CDH8: variants seen among roughly 807,000 people sequenced by gnomAD.
CDH8 encodes cadherin-8.
A neutral mutation model predicts 68.1 loss-of-function variants in CDH8; 17 were observed. That is an observed-to-expected ratio of 0.25 (90% confidence interval 0.17 to 0.37). The LOEUF is 0.37. CDH8 is among the 10% of genes least tolerant of loss of function. CDH8 has a pLI of 1.00. For missense variants in CDH8, 763 were observed against 999.3 expected (o/e 0.76, Z 3.19); for synonymous variants, 372 against 365.1 (o/e 1.02, Z -0.21).
At chr16:61,912,448 G>A (rs1167989672) in intron 2 of CDH8, among the ~76,000 whole-genome samples, 2 of 152,066 alleles carry the variant, frequency 1.3e-5, no homozygotes, top group African/African-American at 4.8e-5. Context: ...ACATTTTCGA[G>A]TTTCTGTCAT....
intron 1 of CDH8, among the ~76,000 whole-genome samples, chr16:62,030,799 CA>C (rs1902306456): frequency 6.6e-6 from 1 of 152,004 alleles, no homozygotes; most frequent in African/African-American, 2.4e-5. Context: ...TATCAATAAA[CA>C]CATCCACAAA....
intron 2 of CDH8, among the ~76,000 whole-genome samples, chr16:61,930,270 A>AACACACACACACAC (rs369686237): frequency 9.0e-5 from 13 of 144,260 alleles, no homozygotes; most frequent in African/African-American, 3.3e-4. Context: ...AAAGTTAGAA[A>AACACACACACACAC]ACACACACAC....
chr16:61,716,766 C>T (rs1398916856), intron 9 of CDH8, among the ~76,000 whole-genome samples: 2 of 151,700 alleles, frequency 1.3e-5, no homozygotes, highest in African/African-American at 2.4e-5. Context: ...CCACATTTGA[C>T]ACTTCAAAAC....
intron 2 of CDH8, among the ~76,000 whole-genome samples, chr16:61,913,800 C>T (rs1431582202): frequency 1.3e-5 from 2 of 152,072 alleles, no homozygotes; most frequent in South Asian, 2.1e-4. Flanking sequence ...ATAACTCCTA[C>T]ATTAATAATA....
rs1376350287 is a variant in CDH8, at chr16:61,647,734, C to G, written c.*5874G>C. 1 of 691,808 alleles carries G rather than the reference C, an allele frequency of 1.4e-6. No homozygotes were observed. The highest frequency in any genetic ancestry group is 1.8e-5 in the African/African-American group (1 of 56,548). 42.9% of individuals were successfully genotyped at this position (691,808 alleles called of 1,614,324 possible). ...GATGGCCTGAAGTTCTTTGCATGTA[C>G]AGAAGAAATCCCAAGAAATTAACAT... On this transcript the variant is annotated 3_prime_UTR_variant, in exon 12 of 12. Coordinates refer to ENST00000577390, the MANE Select transcript of CDH8 (RefSeq NM_001796.5).
intron 2 of CDH8, among the ~76,000 whole-genome samples, chr16:62,016,051 C>A (rs939083777): frequency 6.6e-6 from 1 of 152,142 alleles, no homozygotes; most frequent in Admixed American, 6.5e-5. Flanking sequence ...TTTCCTCTAT[C>A]AAAAATGCTC....
intron 2 of CDH8, among the ~76,000 whole-genome samples, chr16:61,988,292 A>G (rs1965660319): frequency 1.3e-5 from 2 of 152,196 alleles, no homozygotes; most frequent in African/African-American, 4.8e-5. Flanking sequence ...TTTTAACTGA[A>G]TATTCTACAA....
At chr16:61,982,310 C>T (rs1032222328) in intron 2 of CDH8, among the ~76,000 whole-genome samples, 1 of 152,082 alleles carries the variant, frequency 6.6e-6, no homozygotes, top group African/African-American at 2.4e-5. Context: ...AGCTCCGCCT[C>T]CCGGGTTCAC....
chr16:62,011,158 G>C lies in CDH8; in HGVS notation c.252+9994C>G, dbSNP rs199837657. On this transcript the variant is annotated intron_variant, in intron 2 of 11. Transcript: ENST00000577390. The stretch of plus-strand genomic sequence containing the variant: ...AATATTCCTCAGCCCTTCTGATCAG[G>C]CTCATTTGTATTTTGCTACTGCCTT... Among the ~76,000 whole-genome samples the C allele has an allele frequency of 3.3e-5, 5 of 152,092 alleles. No homozygotes were observed. In the East Asian group the frequency reaches 9.6e-4, roughly 29 times the overall value.
intron 1 of CDH8, among the ~76,000 whole-genome samples, chr16:62,025,379 GAGA>G (rs58740328): frequency 0.49 from 74,686 of 151,452 alleles, 19,442 homozygotes; most frequent in African/African-American, 0.67. Context: ...TCTTTGTGAA[GAGA>G]AGAGCATGTT....
At chr16:61,896,041 C>T (rs8052674) in intron 3 of CDH8, among the ~76,000 whole-genome samples, 31,650 of 151,144 alleles carry the variant, frequency 0.21, 3,679 homozygotes, top group African/African-American at 0.32. Context: ...GTTTAGCGAA[C>T]AATCAGGATT....
Position 61,932,781 on chromosome 16 carries a change from G to C in CDH8, c.253-31308C>G, listed in dbSNP as rs189855218. 2.0e-5 allele frequency among the ~76,000 whole-genome samples: 3 copies of C among 152,232 alleles called. No individual in the cohort carries two copies. The East Asian group carries it at 5.8e-4, about 29-fold the overall frequency. On this transcript the variant is annotated intron_variant, in intron 2 of 11. Transcript: ENST00000577390. ...TTAAAATAAAAAATAACCAGTTGCA[G>C]GGAAAAAAGATCTCAACCTTTAGCC...
intron 7 of CDH8, among the ~76,000 whole-genome samples, chr16:61,792,657 C>T (rs1297115837): frequency 2.0e-5 from 3 of 151,924 alleles, no homozygotes; most frequent in Non-Finnish European, 2.9e-5. Flanking sequence ...AACAGCGGAA[C>T]CAGAATGAAT....
At chr16:61,845,522 A>T (rs1006114110) in intron 4 of CDH8, among the ~76,000 whole-genome samples, 1 of 151,394 alleles carries the variant, frequency 6.6e-6, no homozygotes, top group Non-Finnish European at 1.5e-5. Flanking sequence ...AAAAAAAAAA[A>T]CTATCTAATT....
chr16:61,702,288 C>A (rs888407316), intron 10 of CDH8, among the ~76,000 whole-genome samples: 1 of 151,900 alleles, frequency 6.6e-6, no homozygotes, highest in Non-Finnish European at 1.5e-5. Context: ...AGGAGAATGG[C>A]GTGAGCCCGG....
chr16:61,664,079 T>C (rs764227641), intron 10 of CDH8, among the ~76,000 whole-genome samples: 2 of 151,940 alleles, frequency 1.3e-5, no homozygotes, highest in African/African-American at 2.4e-5. Context: ...GAGTCAAACA[T>C]CTTCCCTCCT....
At chr16:61,856,995 T>C in intron 4 of CDH8, 124 bp downstream of exon 4, 1 of 1,145,688 alleles carries the variant, frequency 8.7e-7, no homozygotes, top group Non-Finnish European at 1.3e-6. Context: ...ATGTCGCATA[T>C]TCAAATATTA....
chr16:61,933,312 T>G lies in CDH8; in HGVS notation c.253-31839A>C, dbSNP rs74968238. 2.1e-3 allele frequency among the ~76,000 whole-genome samples: 313 copies of G among 152,284 alleles called. 12 individuals carry two copies. In the East Asian group the frequency reaches 0.053, roughly 26 times the overall value. ...AGAGTGACAAGAGGAGAGGCTGTATTTGCAGGCAGTAGGCTGTTTGTGGGC... is the reference window on the plus strand; with the variant it reads ...AGAGTGACAAGAGGAGAGGCTGTATGTGCAGGCAGTAGGCTGTTTGTGGGC... On this transcript the variant is annotated intron_variant, in intron 2 of 11. Transcript: ENST00000577390.
rs1202818017 is a variant in CDH8, at chr16:61,807,268, A to C, written c.1277+10211T>G. Among the ~76,000 whole-genome samples, 5 of 146,456 alleles carry C rather than the reference A, an allele frequency of 3.4e-5. No individual in the cohort carries two copies. The East Asian group carries it at 6.2e-4, about 18-fold the overall frequency. On this transcript the variant is annotated intron_variant, in intron 7 of 11. Coordinates refer to ENST00000577390, the MANE Select transcript of CDH8 (RefSeq NM_001796.5). ...ATTCTCACTCATAGGTGGGAATTGA[A>C]CAATGAGATCACATGGACACAGGAA...
Sources: allele counts gnomAD v4.1 joint callset (sites outside exome capture counted in the v4.1 genomes callset), GRCh38; gene constraint gnomAD v4.1.1; transcripts MANE v1.5; gene names NCBI Gene and HGNC (gene_info 2026-07-23, HGNC 2026-07-21).